XRN2: variants seen among roughly 807,000 people sequenced by gnomAD.
The protein encoded by XRN2 is DHM1-like protein.
XRN2 carries 44 observed loss-of-function variants against 138.5 expected under a neutral mutation model. The observed-to-expected ratio is 0.32, with a 90% confidence interval of 0.25 to 0.41. The LOEUF is 0.41. XRN2 is among the 10% of genes least tolerant of loss of function. XRN2 has a pLI of 1.00. For synonymous variants in XRN2, 354 were observed against 369.4 expected (o/e 0.96, Z 0.48); for missense variants, 937 against 1,169.3 (o/e 0.80, Z 2.90).
intron 24 of XRN2, among the ~76,000 whole-genome samples, chr20:21,364,539 G>A (rs1358601279): frequency 6.6e-6 from 1 of 152,146 alleles, no homozygotes; most frequent in Non-Finnish European, 1.5e-5. Context: ...AGGCGCGGTG[G>A]CTCATGTCTG....
chr20:21,357,683 A>G, intron 23 of XRN2, 53 bp from the exon 24 acceptor site: 1 of 1,421,780 alleles, frequency 7.0e-7, no homozygotes. Context: ...ATTTCCACTT[A>G]CCTAAAAGGT....
At chr20:21,310,422 A>G (rs893029417) in intron 1 of XRN2, among the ~76,000 whole-genome samples, 6 of 151,760 alleles carry the variant, frequency 4.0e-5, no homozygotes, top group African/African-American at 1.2e-4. Context: ...TAACTTTTGG[A>G]TTTTTCTGTT....
intron 29 of XRN2, among the ~76,000 whole-genome samples, chr20:21,388,444 A>G (rs1338099264): frequency 6.6e-6 from 1 of 152,172 alleles, no homozygotes; most frequent in Non-Finnish European, 1.5e-5. Flanking sequence ...TTAAATCACA[A>G]TTGTTGAAGC....
intron 1 of XRN2, chr20:21,303,826 G>A (rs535737835): frequency 1.4e-4 from 143 of 1,048,468 alleles, no homozygotes; most frequent in Non-Finnish European, 1.6e-4. Flanking sequence ...TTCAGAGGCT[G>A]TTGTTGAGCA....
At chr20:21,354,032 T>C (rs767380485) in intron 20 of XRN2, among the ~76,000 whole-genome samples, 2 of 152,212 alleles carry the variant, frequency 1.3e-5, no homozygotes, top group Admixed American at 6.5e-5. Flanking sequence ...ATACTACTTA[T>C]ACTGTGTAGA....
chr20:21,387,077 T>G, intron 29 of XRN2, 71 bp downstream of exon 29: 10 of 1,531,394 alleles, frequency 6.5e-6, no homozygotes, highest in Non-Finnish European at 8.9e-6. Flanking sequence ...ACTCCGTATT[T>G]TCTTACCAAC....
At chr20:21,358,979 C>G (rs947053893) in intron 24 of XRN2, among the ~76,000 whole-genome samples, 13 of 152,196 alleles carry the variant, frequency 8.5e-5, no homozygotes, top group Admixed American at 2.0e-4. Flanking sequence ...CCACGGTTCT[C>G]TCTTTGGATT....
chr20:21,357,576 A>ACTC (rs1206516156), intron 23 of XRN2, among the ~76,000 whole-genome samples, 160 bp from the exon 24 acceptor site: 2 of 150,660 alleles, frequency 1.3e-5, no homozygotes, highest in Admixed American at 6.6e-5. Flanking sequence ...TGTGGTACTT[A>ACTC]CTCTTTTTTT....
intron 1 of XRN2, among the ~76,000 whole-genome samples, chr20:21,323,088 A>T (rs1600678521): frequency 6.6e-6 from 1 of 152,232 alleles, no homozygotes; most frequent in South Asian, 2.1e-4. Flanking sequence ...GGCGCTGATG[A>T]ATCATCCAGA....
intron 27 of XRN2, among the ~76,000 whole-genome samples, chr20:21,376,532 G>A (rs1444050236): frequency 6.6e-6 from 1 of 152,060 alleles, no homozygotes; most frequent in Non-Finnish European, 1.5e-5. Flanking sequence ...TTGTTTATAA[G>A]GTTTTAAAAA....
intron 27 of XRN2, among the ~76,000 whole-genome samples, chr20:21,377,278 T>TTTTTTTTTTTTTG (rs10676843): frequency 1.4e-5 from 2 of 145,448 alleles, no homozygotes; most frequent in East Asian, 2.1e-4. Flanking sequence ...TTTTTTTTTT[T>TTTTTTTTTTTTTG]GGTCAGTCTT....
At chr20:21,374,621 A>G (rs1183655012) in intron 27 of XRN2, among the ~76,000 whole-genome samples, 1 of 152,126 alleles carries the variant, frequency 6.6e-6, no homozygotes, top group East Asian at 1.9e-4. Flanking sequence ...ATTTTGAAAT[A>G]TTAAACCAAC....
At chr20:21,366,726 G>A (rs921133606) in intron 26 of XRN2, among the ~76,000 whole-genome samples, 2 of 151,902 alleles carry the variant, frequency 1.3e-5, no homozygotes, top group Admixed American at 1.3e-4. Context: ...ACCTAAACAG[G>A]CATTTTGGAC....
chr20:21,354,976 A>T, intron 21 of XRN2, 104 bp downstream of exon 21: 1 of 860,766 alleles, frequency 1.2e-6, no homozygotes, highest in Non-Finnish European at 1.7e-6. Context: ...TTTCCCATAA[A>T]GGGGATATAA....
At chr20:21,375,545 T>C (rs1027118846) in intron 27 of XRN2, among the ~76,000 whole-genome samples, 1 of 151,974 alleles carries the variant, frequency 6.6e-6, no homozygotes, top group Non-Finnish European at 1.5e-5. Flanking sequence ...TTTTTTATTA[T>C]GTACCCATGG....
chr20:21,354,398 A>G (rs1038166625), intron 20 of XRN2, among the ~76,000 whole-genome samples: 6 of 152,220 alleles, frequency 3.9e-5, no homozygotes, highest in Admixed American at 1.3e-4. Context: ...CAAGTACTAG[A>G]AAGAAGAAAG....
intron 9 of XRN2, among the ~76,000 whole-genome samples, chr20:21,333,167 G>A (rs1014951876): frequency 6.6e-6 from 1 of 152,184 alleles, no homozygotes; most frequent in Admixed American, 6.5e-5. Flanking sequence ...GTAATCATTG[G>A]TTGGGTATAG....
intron 19 of XRN2, 126 bp from the exon 20 acceptor site, chr20:21,349,262 AT>A: frequency 2.9e-6 from 2 of 696,834 alleles, no homozygotes; most frequent in South Asian, 1.6e-5. Flanking sequence ...GTCTCTTAAC[AT>A]TTTTTAAAAG....
intron 6 of XRN2, among the ~76,000 whole-genome samples, chr20:21,331,179 T>C (rs2038201941): frequency 6.6e-6 from 1 of 152,316 alleles, no homozygotes; most frequent in South Asian, 2.1e-4. Flanking sequence ...TGTTATTGAT[T>C]ATTCTTGGGG....
Sources: allele counts gnomAD v4.1 joint callset (sites outside exome capture counted in the v4.1 genomes callset), GRCh38; gene constraint gnomAD v4.1.1; transcripts MANE v1.5; gene names NCBI Gene and HGNC (gene_info 2026-07-23, HGNC 2026-07-21).